SLC44A5: variants seen among roughly 807,000 people sequenced by gnomAD.
The protein encoded by SLC44A5 is solute carrier family 44 member 5, also known as choline transporter-like protein 5.
A neutral mutation model predicts 101.8 loss-of-function variants in SLC44A5; 57 were observed. That is an observed-to-expected ratio of 0.56 (90% CI 0.45 to 0.70). The LOEUF (loss-of-function observed/expected upper bound fraction) is 0.70. Ranked by LOEUF, SLC44A5 falls within the 30% of genes least tolerant of loss-of-function variation. SLC44A5 has a pLI of 0.00. For synonymous variants in SLC44A5, 281 were observed against 290.9 expected (o/e 0.97, Z 0.35); for missense variants, 737 against 853.1 (o/e 0.86, Z 1.70).
chr1:75,227,742 T>A lies in SLC44A5; in HGVS notation c.969A>T (p.Gln323His). Residue 323 changes from glutamine (Q) to histidine (H), a missense_variant, in exon 13 of 24, where the codon CAA (glutamine) becomes CAT (histidine). Physicochemically the swap from Gln to His is conservative, Grantham distance 24. Transcript: ENST00000370859. ...AATACTCACTAAATGTGAACCATGT[T>A]TGTTGCAGTTCAAAGTACATGCTTA... is the stretch of plus-strand genomic sequence containing the variant. ...TNISMYFELQ[Q>H]TWFTFMIILC... 2 of 1,557,296 alleles carry A rather than the reference T, an allele frequency of 1.3e-6. No homozygotes were observed. Among genetic ancestry groups the A allele is most frequent in the South Asian group, 1.2e-5 (1 of 80,094 alleles).
chr1:75,641,362 T>A, the SLC44A5 span: 1 of 778,782 alleles, frequency 1.3e-6, no homozygotes, highest in Non-Finnish European at 2.2e-6. Flanking sequence ...TAGTATCGTC[T>A]CCGGGCATAA....
chr1:75,296,365 TC>T lies in SLC44A5; in HGVS notation c.175+4246del, dbSNP rs1374484786. On this transcript the variant is annotated intron_variant, in intron 5 of 23. Coordinates refer to ENST00000370859, the MANE Select transcript of SLC44A5 (RefSeq NM_001130058.2). ...GTCCACCCTCTAGCCAGTTTTTTTT[TC>T]TTTTTTTTTTTTTTTAATATTCCCT... Among the ~76,000 whole-genome samples the T allele has an allele frequency of 4.2e-3, 307 of 72,960 alleles. 2 individuals are homozygous for T. The highest frequency in any genetic ancestry group is 0.016 in the African/African-American group (277 of 17,642). 47.9% of individuals were successfully genotyped at this position (72,960 alleles called of 152,430 possible). A position where few individuals can be genotyped will look rare whatever the true frequency, so the allele number is the denominator to read the frequency against.
chr1:75,336,300 C>T (rs1008596351), intron 4 of SLC44A5, among the ~76,000 whole-genome samples: 3 of 151,970 alleles, frequency 2.0e-5, no homozygotes, highest in Non-Finnish European at 4.4e-5. Flanking sequence ...ATTAAAGGCA[C>T]GCACCACCAC....
intron 1 of SLC44A5, among the ~76,000 whole-genome samples, chr1:75,554,346 T>C (rs1672106191): frequency 6.6e-6 from 1 of 151,702 alleles, no homozygotes; most frequent in Non-Finnish European, 1.5e-5. Context: ...TGTGTGCCTG[T>C]AGTCCCAGCT....
chr1:75,503,393 C>G (rs563833781), intron 2 of SLC44A5, among the ~76,000 whole-genome samples: 2 of 152,118 alleles, frequency 1.3e-5, no homozygotes, highest in Admixed American at 6.5e-5. Context: ...TGAGTTCTCA[C>G]GAGATCCGGT....
chr1:75,254,146 C>A (rs1250506365), intron 6 of SLC44A5, among the ~76,000 whole-genome samples: 1 of 151,980 alleles, frequency 6.6e-6, no homozygotes, highest in East Asian at 1.9e-4. Context: ...TCAAGCAATT[C>A]TCCTGCCTCG....
At chr1:75,650,910 C>T in the SLC44A5 span, among the ~76,000 whole-genome samples, 19 of 152,150 alleles carry the variant, frequency 1.2e-4, no homozygotes, top group South Asian at 8.3e-4. Flanking sequence ...TTGCTTTTAC[C>T]GAATTCAGGC....
chr1:75,650,927 T>C, the SLC44A5 span, among the ~76,000 whole-genome samples: 1 of 152,162 alleles, frequency 6.6e-6, no homozygotes. Flanking sequence ...AGGCCACAAA[T>C]TCAAAATAAT....
chr1:75,587,520 T>A (rs185125587), intron 1 of SLC44A5, among the ~76,000 whole-genome samples: 1 of 152,334 alleles, frequency 6.6e-6, no homozygotes, highest in African/African-American at 2.4e-5. Context: ...CACTGCTTTC[T>A]CATGTTACCT....
Position 75,237,039 on chromosome 1 carries a change from G to C in SLC44A5, c.688C>G (p.Leu230Val), listed in dbSNP as rs774271025. Residue 230 changes from leucine (L) to valine (V), a missense_variant, in exon 11 of 24, where the codon CTT becomes GTT. Leu to Val is a conservative substitution (Grantham distance 32, BLOSUM62 1). This residue lies in a region of SLC44A5 where 665 missense variants were observed against 764.4 expected (regional missense o/e 0.87). Coordinates refer to ENST00000370859, the MANE Select transcript of SLC44A5 (RefSeq NM_001130058.2). ...TAGTCTTCAAACACTTTCAATCCAA[G>C]TGACTTTGCATCAAGAAGTTTATTG... ...GINKLLDAKS[L>V]GLKVFEDYAR... is the part of the protein sequence containing the mutation. 6.0e-5 allele frequency: 96 copies of C among 1,602,752 alleles called. 1 individual carries two copies. The East Asian group carries it at 2.2e-3, about 36-fold the overall frequency.
chr1:75,302,138 G>GTTTTTTTTTTTTTTTTTTTTTTTTTT (rs1570618479), intron 4 of SLC44A5, among the ~76,000 whole-genome samples: 2 of 21,690 alleles, frequency 9.2e-5, no homozygotes, highest in African/African-American at 1.8e-4. Context: ...TTTTTTTTTG[G>GTTTTTTTTTTTTTTTTTTTTTTTTTT]TTAACAACCA....
intron 2 of SLC44A5, among the ~76,000 whole-genome samples, chr1:75,467,827 C>A (rs372984032): frequency 6.6e-6 from 1 of 151,956 alleles, no homozygotes; most frequent in African/African-American, 2.4e-5. Flanking sequence ...CAAAAATGGA[C>A]AAATGAGATA....
intron 3 of SLC44A5, among the ~76,000 whole-genome samples, chr1:75,340,667 T>C (rs1037244038): frequency 2.0e-5 from 3 of 152,196 alleles, no homozygotes; most frequent in Non-Finnish European, 4.4e-5. Flanking sequence ...AGTAGTGACA[T>C]TTCTTCTTTG....
In SLC44A5 at chr1:75,440,958, AATAATG is replaced by A. The variant is rs935183475; in HGVS notation, c.14-44343_14-44338del. 1.1e-3 allele frequency among the ~76,000 whole-genome samples: 166 copies of A among 151,384 alleles called. 1 individual carries two copies. Among genetic ancestry groups the A allele is most frequent in the Non-Finnish European group, 2.0e-3 (139 of 67,842 alleles). ...AAATAATATATTACTAATATAATTA[AATAATG>A]ATAATGACAATAATGCATAATTTCT... On this transcript the variant is annotated intron_variant, in intron 2 of 23. Coordinates refer to ENST00000370859, the MANE Select transcript of SLC44A5 (RefSeq NM_001130058.2).
intron 2 of SLC44A5, among the ~76,000 whole-genome samples, chr1:75,520,408 T>A (rs1187125270): frequency 6.6e-6 from 1 of 152,184 alleles, no homozygotes; most frequent in African/African-American, 2.4e-5. Context: ...ACTTTTAAAC[T>A]TCAAATTTTG....
upstream of SLC44A5, among the ~76,000 whole-genome samples, chr1:75,614,418 G>A (rs1212105825): frequency 3.9e-5 from 6 of 152,146 alleles, no homozygotes; most frequent in Admixed American, 3.9e-4. Flanking sequence ...AAAAGTCCCA[G>A]GTGTTTTCAT....
chr1:75,302,120 T>TG (rs1553157947), intron 4 of SLC44A5, among the ~76,000 whole-genome samples: 1 of 138,242 alleles, frequency 7.2e-6, no homozygotes, highest in Admixed American at 7.4e-5. Flanking sequence ...TTGTTTTTTT[T>TG]TTTTTTTTTT....
At chr1:75,371,887 T>C (rs911181739) in intron 3 of SLC44A5, among the ~76,000 whole-genome samples, 1 of 152,100 alleles carries the variant, frequency 6.6e-6, no homozygotes, top group Admixed American at 6.5e-5. Flanking sequence ...CCAGGTTGGA[T>C]TGACAAGGTA....
intron 1 of SLC44A5, among the ~76,000 whole-genome samples, chr1:75,601,641 G>A (rs956884498): frequency 1.3e-5 from 2 of 152,100 alleles, no homozygotes; most frequent in Non-Finnish European, 2.9e-5. Context: ...CTTCTGCAGG[G>A]ACCAAAATAA....
Sources: gnomAD v4.1 joint callset for allele counts (sites outside exome capture counted in the v4.1 genomes callset) on GRCh38, gnomAD v4.1.1 for gene constraint, gnomAD v4.1.1 regional missense constraint, MANE v1.5 for transcripts, NCBI Gene and HGNC (gene_info 2026-07-23, HGNC 2026-07-21) for gene names.